SAMMSON: variants seen among roughly 807,000 people sequenced by gnomAD.
SAMMSON encodes long intergenic non-protein coding RNA 1212.
chr3:70,042,816 T>A (rs1261834226), intron 3 of SAMMSON, among the ~76,000 whole-genome samples: 1 of 152,012 alleles, frequency 6.6e-6, no homozygotes, highest in Non-Finnish European at 1.5e-5. Flanking sequence ...AAAGGTTAAT[T>A]CAGAAAGGAG....
intron 4 of SAMMSON, among the ~76,000 whole-genome samples, chr3:70,132,529 T>C (rs938480699): frequency 6.6e-6 from 1 of 152,144 alleles, no homozygotes; most frequent in African/African-American, 2.4e-5. Context: ...TGTCTTATTC[T>C]TCCCAGCCTC....
At chr3:70,266,922 T>C (rs547016654) in intron 6 of SAMMSON, among the ~76,000 whole-genome samples, 1 of 152,298 alleles carries the variant, frequency 6.6e-6, no homozygotes, top group African/African-American at 2.4e-5. Context: ...GGCCTGGCAA[T>C]GGGATTAGAT....
intron 9 of SAMMSON, among the ~76,000 whole-genome samples, chr3:70,376,868 C>A (rs1264539884): frequency 6.6e-6 from 1 of 152,076 alleles, no homozygotes; most frequent in Non-Finnish European, 1.5e-5. Flanking sequence ...CTGCCCATAT[C>A]ATTTTATTTC....
At chr3:70,251,323 A>G (rs75685958) in intron 6 of SAMMSON, among the ~76,000 whole-genome samples, 1,540 of 152,266 alleles carry the variant, frequency 0.01, 22 homozygotes, top group African/African-American at 0.035. Context: ...TGCAGTCTTC[A>G]GTCTTCATTT....
chr3:70,199,427 T>C (rs1701214004), intron 4 of SAMMSON, among the ~76,000 whole-genome samples: 1 of 152,200 alleles, frequency 6.6e-6, no homozygotes, highest in Non-Finnish European at 1.5e-5. Context: ...TGGCACTTGT[T>C]TCCTTCTACC....
chr3:70,340,923 C>T (rs1702706674), intron 7 of SAMMSON, among the ~76,000 whole-genome samples: 1 of 152,044 alleles, frequency 6.6e-6, no homozygotes, highest in African/African-American at 2.4e-5. Flanking sequence ...TGGTGGACCC[C>T]AACATAGTGA....
chr3:70,375,006 C>T (rs1439224407), intron 9 of SAMMSON, among the ~76,000 whole-genome samples: 2 of 152,050 alleles, frequency 1.3e-5, no homozygotes, highest in Non-Finnish European at 2.9e-5. Flanking sequence ...AAGGGAAACC[C>T]ATGGAACTCA....
At chr3:70,047,074 T>G (rs1038131569) in intron 3 of SAMMSON, among the ~76,000 whole-genome samples, 2 of 152,142 alleles carry the variant, frequency 1.3e-5, no homozygotes, top group Non-Finnish European at 2.9e-5. Context: ...GGGATTTGGA[T>G]GTACCATTGT....
chr3:70,322,548 GA>G (rs1285174908), intron 7 of SAMMSON, among the ~76,000 whole-genome samples: 3 of 151,962 alleles, frequency 2.0e-5, no homozygotes, highest in African/African-American at 7.2e-5. Flanking sequence ...AGGAGGGAAA[GA>G]AAAAAATGTT....
intron 4 of SAMMSON, among the ~76,000 whole-genome samples, chr3:70,171,101 T>G (rs1002451913): frequency 6.6e-6 from 1 of 151,922 alleles, no homozygotes; most frequent in Non-Finnish European, 1.5e-5. Flanking sequence ...CAGAAATAAC[T>G]GTCTGCTTTC....
intron 7 of SAMMSON, among the ~76,000 whole-genome samples, chr3:70,331,299 T>A (rs1288071104): frequency 6.6e-6 from 1 of 152,200 alleles, no homozygotes; most frequent in Non-Finnish European, 1.5e-5. Context: ...TCCCGTGAAG[T>A]AATTGGCACT....
At chr3:70,258,024 G>A (rs537367727) in intron 6 of SAMMSON, among the ~76,000 whole-genome samples, 3 of 152,208 alleles carry the variant, frequency 2.0e-5, no homozygotes, top group African/African-American at 7.2e-5. Flanking sequence ...TAATTAAATG[G>A]GGGAAATGGA....
chr3:70,249,164 A>G (rs540861636), exon 5 of SAMMSON: 15 of 152,294 alleles, frequency 9.8e-5, no homozygotes, highest in African/African-American at 3.4e-4. Context: ...ACCAAGTTCT[A>G]CATTAGGAAC....
At chr3:70,302,316 G>A (rs1241915735) in intron 7 of SAMMSON, among the ~76,000 whole-genome samples, 2 of 151,712 alleles carry the variant, frequency 1.3e-5, no homozygotes, top group Non-Finnish European at 2.9e-5. Flanking sequence ...TTTTATTAGC[G>A]AGTATATTCC....
chr3:70,117,329 GT>G (rs2067415821), intron 4 of SAMMSON, among the ~76,000 whole-genome samples: 1 of 152,160 alleles, frequency 6.6e-6, no homozygotes, highest in Non-Finnish European at 1.5e-5. Flanking sequence ...TCCATAGTTG[GT>G]TGGTAGCTGA....
rs561439802 is a variant in SAMMSON, at chr3:70,197,037, C to T, written n.508-52070C>T. ...TGTCACAATTGCAGCTGCAATCATT[C>T]CGAGAGTGGTTTTCATCCGAGGTGT... On this transcript the variant is annotated intron_variant and non_coding_transcript_variant, in intron 4 of 9. Transcript: ENST00000642114. The T allele has an allele frequency of 7.5e-6, 3 of 398,574 alleles. No individual in the cohort carries two copies. In the East Asian group the frequency reaches 1.1e-4, roughly 14 times the overall value. 24.7% of individuals were successfully genotyped at this position (398,574 alleles called of 1,614,324 possible).
chr3:70,417,488 C>G (rs1701272627), intron 2 of SAMMSON, among the ~76,000 whole-genome samples: 1 of 152,064 alleles, frequency 6.6e-6, no homozygotes, highest in Non-Finnish European at 1.5e-5. Flanking sequence ...CTTTTTGGTT[C>G]CAAGTGACAG....
At chr3:70,087,207 T>C (rs1304967452) in intron 4 of SAMMSON, among the ~76,000 whole-genome samples, 2 of 152,206 alleles carry the variant, frequency 1.3e-5, no homozygotes, top group Non-Finnish European at 2.9e-5. Flanking sequence ...ATACTTTCCT[T>C]ATTTGACCCT....
At chr3:70,034,014 T>C (rs2067075323) in intron 3 of SAMMSON, among the ~76,000 whole-genome samples, 1 of 152,056 alleles carries the variant, frequency 6.6e-6, no homozygotes, top group Admixed American at 6.6e-5. Context: ...GGTGACAAGA[T>C]GGATCTATAT....
Sources: allele counts gnomAD v4.1 joint callset (sites outside exome capture counted in the v4.1 genomes callset), GRCh38; gene constraint gnomAD v4.1.1; transcripts MANE v1.5; gene names NCBI Gene and HGNC (gene_info 2026-07-23, HGNC 2026-07-21).